The following L3MBTL4 variants were observed in gnomAD, a reference collection of about 807,000 sequenced individuals.
L3MBTL4 encodes lethal(3)malignant brain tumor-like protein 4.
A neutral mutation model predicts 84.5 loss-of-function variants in L3MBTL4; 70 were observed. The observed-to-expected ratio is 0.83, with a 90% CI of 0.68 to 1.01. L3MBTL4 has a LOEUF of 1.01. Ranked by LOEUF, L3MBTL4 falls within the 50% of genes least tolerant of loss-of-function variation. The pLI, the probability that L3MBTL4 is intolerant of heterozygous loss-of-function variation, is 0.00. For synonymous variants in L3MBTL4, 274 were observed against 259.8 expected, an observed-to-expected ratio of 1.05 and a Z score of -0.52; for missense variants, 715 against 754.8, an observed-to-expected ratio of 0.95 and a Z score of 0.62.
chr18:5,965,293 G>A (rs1287263098), intron 17 of L3MBTL4, among the ~76,000 whole-genome samples: 1 of 152,186 alleles, frequency 6.6e-6, no homozygotes, highest in Admixed American at 6.5e-5. Context: ...AAGGCCCTGC[G>A]CTAGCCTCTC....
chr18:6,116,616 G>A (rs888606920), intron 14 of L3MBTL4, among the ~76,000 whole-genome samples: 8 of 151,846 alleles, frequency 5.3e-5, no homozygotes, highest in Non-Finnish European at 7.4e-5. Context: ...CACCTGCCTC[G>A]GCTTCCCAAA....
intron 16 of L3MBTL4, chr18:6,031,037 T>C (rs1026832413): frequency 1.3e-5 from 13 of 985,338 alleles, no homozygotes; most frequent in African/African-American, 3.5e-5. Flanking sequence ...AGTTGCTCTC[T>C]GGCTGGACTG....
At chr18:6,331,584 C>T (rs1295998625) in intron 1 of L3MBTL4, among the ~76,000 whole-genome samples, 2 of 151,890 alleles carry the variant, frequency 1.3e-5, no homozygotes, top group African/African-American at 4.8e-5. Context: ...GCATGAATAC[C>T]CTAGACATTT....
intron 16 of L3MBTL4, among the ~76,000 whole-genome samples, chr18:6,001,943 C>T (rs959133277): frequency 4.6e-5 from 7 of 152,026 alleles, no homozygotes; most frequent in Admixed American, 4.6e-4. Flanking sequence ...CTAAGATGCT[C>T]AACAAACTCC....
At chr18:6,374,016 T>C (rs1442250826) in intron 1 of L3MBTL4, among the ~76,000 whole-genome samples, 1 of 152,224 alleles carries the variant, frequency 6.6e-6, no homozygotes, top group Non-Finnish European at 1.5e-5. Flanking sequence ...TTGTAATTTT[T>C]CATCTTCCAT....
intron 12 of L3MBTL4, among the ~76,000 whole-genome samples, chr18:6,199,696 G>GA (rs1416437148): frequency 6.6e-6 from 1 of 152,212 alleles, no homozygotes; most frequent in Non-Finnish European, 1.5e-5. Flanking sequence ...GGGTAAGGGA[G>GA]AAAGATAGCT....
chr18:6,162,028 A>C (rs990866180), intron 13 of L3MBTL4, among the ~76,000 whole-genome samples: 43 of 151,676 alleles, frequency 2.8e-4, no homozygotes, highest in African/African-American at 1.0e-3. Flanking sequence ...GGTTTTTATT[A>C]CAATAACAGC....
At chr18:6,379,056 T>C (rs2054491525) in intron 1 of L3MBTL4, among the ~76,000 whole-genome samples, 1 of 152,224 alleles carries the variant, frequency 6.6e-6, no homozygotes, top group Non-Finnish European at 1.5e-5. Context: ...GTTGTATTCC[T>C]AGGTATTTTC....
At chr18:6,093,723 T>C (rs2058537338) in intron 14 of L3MBTL4, among the ~76,000 whole-genome samples, 195 bp from the exon 15 acceptor site, 1 of 152,210 alleles carries the variant, frequency 6.6e-6, no homozygotes, top group Admixed American at 6.5e-5. Flanking sequence ...CCACAGACAC[T>C]GGTCAACAAA....
intron 14 of L3MBTL4, among the ~76,000 whole-genome samples, chr18:6,129,372 G>GTA (rs2059805524): frequency 7.4e-6 from 1 of 135,176 alleles, no homozygotes; most frequent in Non-Finnish European, 1.6e-5. Context: ...TTCTCTCTGT[G>GTA]TGTGTGTGTG....
intron 12 of L3MBTL4, among the ~76,000 whole-genome samples, chr18:6,207,915 G>A (rs559071290): frequency 2.2e-4 from 33 of 151,652 alleles, no homozygotes; most frequent in Non-Finnish European, 4.3e-4. Flanking sequence ...GACCAGCCTG[G>A]GCAACACTGC....
chr18:5,959,692 C>G (rs547026758), intron 18 of L3MBTL4, among the ~76,000 whole-genome samples: 18 of 152,214 alleles, frequency 1.2e-4, no homozygotes, highest in South Asian at 4.1e-4. Flanking sequence ...TGCCTTCCCG[C>G]AAATGGCTTC....
At chr18:6,262,222 G>A (rs753420009) in intron 5 of L3MBTL4, among the ~76,000 whole-genome samples, 2 of 152,164 alleles carry the variant, frequency 1.3e-5, no homozygotes, top group Non-Finnish European at 1.5e-5. Context: ...TCTGTGGCAA[G>A]GGCAGGAAGG....
At chr18:6,134,666 C>A (rs2059977490) in intron 14 of L3MBTL4, among the ~76,000 whole-genome samples, 2 of 152,198 alleles carry the variant, frequency 1.3e-5, no homozygotes, top group South Asian at 4.1e-4. Context: ...TCCTTTGACT[C>A]CAGGTCTCAC....
intron 12 of L3MBTL4, among the ~76,000 whole-genome samples, chr18:6,210,873 A>T (rs1165131093): frequency 6.6e-6 from 1 of 152,222 alleles, no homozygotes; most frequent in African/African-American, 2.4e-5. Context: ...CTTCATTAAT[A>T]CAGAAAATAA....
chr18:6,330,868 C>T (rs1233248513), intron 1 of L3MBTL4, among the ~76,000 whole-genome samples: 2 of 152,172 alleles, frequency 1.3e-5, no homozygotes, highest in African/African-American at 2.4e-5. Flanking sequence ...AGTTACTAAA[C>T]ATTAAAATAC....
At chr18:6,244,374 T>TA in intron 6 of L3MBTL4, 110 bp downstream of exon 6, 1 of 668,806 alleles carries the variant, frequency 1.5e-6, no homozygotes, top group Non-Finnish European at 2.5e-6. Flanking sequence ...AATAAATCCA[T>TA]AATGCACTGG....
intron 16 of L3MBTL4, among the ~76,000 whole-genome samples, chr18:6,072,781 G>A (rs1598644554): frequency 6.9e-6 from 1 of 145,866 alleles, no homozygotes; most frequent in Non-Finnish European, 1.5e-5. Context: ...GCATGAACCC[G>A]GGAGGTGGAG....
intron 1 of L3MBTL4, among the ~76,000 whole-genome samples, chr18:6,365,674 G>A (rs1170510193): frequency 6.6e-6 from 1 of 152,110 alleles, no homozygotes; most frequent in African/African-American, 2.4e-5. Context: ...CAAAATCCAG[G>A]CTACTATCTC....
Sources: gnomAD v4.1 joint callset for allele counts (sites outside exome capture counted in the v4.1 genomes callset) on GRCh38, gnomAD v4.1.1 for gene constraint, MANE v1.5 for transcripts, NCBI Gene and HGNC (gene_info 2026-07-23, HGNC 2026-07-21) for gene names.